The following DNAAF4 variants were observed in gnomAD, a reference collection of about 807,000 sequenced individuals.
DNAAF4 encodes dynein assembly factor 4, axonemal.
Under a neutral mutation model 51.8 loss-of-function variants are expected in DNAAF4, and 43 were observed. That is an observed-to-expected ratio of 0.83 (90% CI 0.65 to 1.07). The LOEUF (loss-of-function observed/expected upper bound fraction) is 1.07. Among genes scored for constraint, DNAAF4 ranks in the 50% least tolerant of loss-of-function variants. The pLI is 0.00. For missense variants in DNAAF4, 581 were observed against 493.0 expected (o/e 1.18, Z -1.69); for synonymous variants, 194 against 165.6 (o/e 1.17, Z -1.32).
chr15:55,420,796 G>C (rs955177072), intron 7 of DNAAF4, among the ~76,000 whole-genome samples: 6 of 152,108 alleles, frequency 3.9e-5, no homozygotes, highest in African/African-American at 1.4e-4. Flanking sequence ...CCAATTCATG[G>C]CAAGTGAATT....
chr15:55,478,860 G>T (rs891552062), intron 4 of DNAAF4, among the ~76,000 whole-genome samples: 3 of 152,062 alleles, frequency 2.0e-5, no homozygotes, highest in African/African-American at 7.2e-5. Flanking sequence ...GCACCACTTT[G>T]TATTAAAAGA....
At chr15:55,431,623 C>T (rs141938431) in intron 9 of DNAAF4, among the ~76,000 whole-genome samples, 4,560 of 151,340 alleles carry the variant, frequency 0.03, 266 homozygotes, top group African/African-American at 0.11. Flanking sequence ...TACAGGCGCC[C>T]GCCACCACAC....
rs770568793 is a variant in DNAAF4, at chr15:55,491,173, C to T, written c.355G>A (p.Ala119Thr). Residue 119 changes from alanine (A) to threonine (T), a missense_variant, in exon 4 of 10, where the codon GCT becomes ACT. Ala to Thr is a moderately conservative substitution (Grantham distance 58). Transcript: ENST00000321149. ...ERAKEATEAK[A>T]AAKREDQKYA... is the part of the protein sequence containing the mutation. ...TTTTGATCTTCCCGCTTTGCTGCAG[C>T]TTTTGCTTCTGTAGCTTCTTTTGCT... The T allele has an allele frequency of 9.3e-6, 15 of 1,614,004 alleles. No homozygotes were observed. Among genetic ancestry groups the T allele is most frequent in the Non-Finnish European group, 1.3e-5 (15 of 1,179,996 alleles).
At chr15:55,447,779 AGAGAGGG>A (rs1162522677) in intron 6 of DNAAF4, among the ~76,000 whole-genome samples, 1,842 of 80,294 alleles carry the variant, frequency 0.023, 84 homozygotes, top group African/African-American at 0.072. Context: ...CCGTGGAAAG[AGAGAGGG>A]GAGAGGGGAG....
Position 55,420,401 on chromosome 15 carries a change from G to C in DNAAF4, c.1048-2268C>G, listed in dbSNP as rs2057378853. 2.0e-5 allele frequency among the ~76,000 whole-genome samples: 3 copies of C among 149,510 alleles called. No homozygotes were observed. In the South Asian group the frequency reaches 6.3e-4, roughly 31 times the overall value. On this transcript the variant is annotated intron_variant, in intron 7 of 7. Transcript: ENST00000448430. ...AAACCATATGTTGATAATTGGGTCTGAGTATCTTTCTGGAAAAAAAAAAAA... is the reference window on the plus strand; with the variant it reads ...AAACCATATGTTGATAATTGGGTCTCAGTATCTTTCTGGAAAAAAAAAAAA...
At chr15:55,421,899 T>TATAATAATAATA (rs72198850) in intron 7 of DNAAF4, among the ~76,000 whole-genome samples, 1 of 139,684 alleles carries the variant, frequency 7.2e-6, no homozygotes, top group Non-Finnish European at 1.5e-5. Flanking sequence ...CAAAAAAATG[T>TATAATAATAATA]ATAATAATAA....
At chr15:55,432,288 A>G (rs567357043) in intron 9 of DNAAF4, among the ~76,000 whole-genome samples, 133 of 152,316 alleles carry the variant, frequency 8.7e-4, no homozygotes, top group Non-Finnish European at 1.6e-3. Context: ...TGTTGTTTAC[A>G]CTTATTTTAA....
intron 1 of DNAAF4, among the ~76,000 whole-genome samples, chr15:55,500,843 T>C (rs1234156131): frequency 6.6e-6 from 1 of 151,506 alleles, no homozygotes; most frequent in Non-Finnish European, 1.5e-5. Flanking sequence ...AAATACAAAA[T>C]TAGCCAGGCA....
intron 4 of DNAAF4, among the ~76,000 whole-genome samples, chr15:55,483,833 C>CTTTTTTTTTTT (rs71105887): frequency 8.5e-5 from 7 of 82,494 alleles, no homozygotes; most frequent in African/African-American, 9.7e-5. Context: ...GCCAATAAAG[C>CTTTTTTTTTTT]TTTTTTTTTT....
intron 5 of DNAAF4, among the ~76,000 whole-genome samples, chr15:55,464,024 A>T (rs757720525): frequency 1.3e-5 from 2 of 152,164 alleles, no homozygotes; most frequent in Non-Finnish European, 2.9e-5. Context: ...AAAAGAACAA[A>T]TCTGAGGGGA....
At chr15:55,426,475 C>A (rs2057431645), downstream of DNAAF4, among the ~76,000 whole-genome samples, 2 of 152,182 alleles carry the variant, frequency 1.3e-5, no homozygotes, top group Admixed American at 1.3e-4. Flanking sequence ...ACAAGGACAG[C>A]TTAAAGGTTA....
chr15:55,467,049 T>G lies in DNAAF4; in HGVS notation c.518A>C (p.Lys173Thr). Residue 173 changes from lysine to threonine, a missense_variant, in exon 5 of 10, where the codon AAA becomes ACA. Lys to Thr is a moderately conservative substitution (Grantham distance 78). Transcript: ENST00000321149. ...TAATTTCTCTTCTCTCTGAATTTTT[T>G]TTTGCTCCTCAGCTTTTCTTTGATA... ...KEYQRKAEEQ[K>T]KIQREEKLCQ... 13 of 1,558,230 alleles carry G rather than the reference T, an allele frequency of 8.3e-6. No homozygotes were observed. Among genetic ancestry groups the G allele is most frequent in the Non-Finnish European group, 1.1e-5 (13 of 1,153,846 alleles).
chr15:55,443,293 C>A, intron 6 of DNAAF4: 2 of 1,450,256 alleles, frequency 1.4e-6, no homozygotes, highest in Non-Finnish European at 9.5e-7. Flanking sequence ...CAGGCGCCTG[C>A]CTACCGGTGG....
intron 7 of DNAAF4, among the ~76,000 whole-genome samples, chr15:55,438,569 G>A (rs911865266): frequency 1.3e-5 from 2 of 151,980 alleles, no homozygotes; most frequent in Non-Finnish European, 2.9e-5. Flanking sequence ...ATCACTAGAG[G>A]TCAGGAGTTC....
intron 4 of DNAAF4, among the ~76,000 whole-genome samples, chr15:55,482,299 A>G (rs985357393): frequency 2.0e-5 from 3 of 152,206 alleles, no homozygotes; most frequent in Non-Finnish European, 2.9e-5. Context: ...GTGGAAAACT[A>G]TTTGATGATT....
intron 8 of DNAAF4, among the ~76,000 whole-genome samples, chr15:55,433,558 G>A (rs1191893815): frequency 3.4e-5 from 5 of 147,662 alleles, no homozygotes; most frequent in African/African-American, 1.3e-4. Context: ...CCGGGGAGGC[G>A]GAGCTTGCAG....
At chr15:55,464,315 A>G (rs1413637971) in intron 5 of DNAAF4, among the ~76,000 whole-genome samples, 1 of 152,242 alleles carries the variant, frequency 6.6e-6, no homozygotes, top group African/African-American at 2.4e-5. Context: ...AAGATGGATC[A>G]AAGACTTAAG....
intron 6 of DNAAF4, chr15:55,442,909 C>A: frequency 6.2e-7 from 1 of 1,612,174 alleles, no homozygotes; most frequent in Non-Finnish European, 8.5e-7. Flanking sequence ...ATGAATCAAT[C>A]CAGGTGGTCC....
chr15:55,459,704 TTCTTTC>T (rs1482291399), intron 5 of DNAAF4, among the ~76,000 whole-genome samples: 63 of 139,852 alleles, frequency 4.5e-4, no homozygotes, highest in African/African-American at 2.0e-3. Context: ...CTTTCTTTCT[TTCTTTC>T]TTTTTTTTTT....
Sources: allele counts gnomAD v4.1 joint callset (sites outside exome capture counted in the v4.1 genomes callset), GRCh38; gene constraint gnomAD v4.1.1; transcripts MANE v1.5; gene names NCBI Gene and HGNC (gene_info 2026-07-23, HGNC 2026-07-21).